The following ZNF215 variants were observed in gnomAD, a reference collection of about 807,000 sequenced individuals.
ZNF215 encodes the protein zinc finger protein 215, also known as BWSCR2-associated zinc finger protein 2.
A neutral mutation model predicts 27.2 loss-of-function variants in ZNF215; 24 were observed. That is an observed-to-expected ratio of 0.88 (90% confidence interval 0.64 to 1.24). The LOEUF (loss-of-function observed/expected upper bound fraction) is 1.24, where lower values mean the gene tolerates loss of function less well. Among genes scored for constraint, ZNF215 ranks in the 50% most tolerant of loss-of-function variants. The pLI, the probability that ZNF215 is intolerant of heterozygous loss-of-function variation, is 0.00. For synonymous variants in ZNF215, 210 were observed against 204.0 expected, an observed-to-expected ratio of 1.03 and a Z score of -0.25; for missense variants, 675 against 605.7, an observed-to-expected ratio of 1.11 and a Z score of -1.20.
intron 5 of ZNF215, among the ~76,000 whole-genome samples, chr11:6,973,359 G>T (rs1388070950): frequency 2.0e-5 from 3 of 152,228 alleles, no homozygotes; most frequent in Middle Eastern, 3.4e-3. Flanking sequence ...ATAAACATAC[G>T]TGTGCATGTG....
At chr11:6,991,924 G>A (rs1189409810), downstream of ZNF215, among the ~76,000 whole-genome samples, 2 of 152,166 alleles carry the variant, frequency 1.3e-5, no homozygotes, top group Non-Finnish European at 2.9e-5. Context: ...CCCGTGAACC[G>A]CCTCTTGGTG....
intron 5 of ZNF215, among the ~76,000 whole-genome samples, chr11:6,980,346 A>G (rs571015808): frequency 6.6e-6 from 1 of 152,234 alleles, no homozygotes; most frequent in African/African-American, 2.4e-5. Context: ...TTCTGTAATC[A>G]TAAATATCAG....
At chr11:6,962,640 T>C (rs1850539794), downstream of ZNF215, among the ~76,000 whole-genome samples, 1 of 152,230 alleles carries the variant, frequency 6.6e-6, no homozygotes, top group Middle Eastern at 3.4e-3. Flanking sequence ...CCTTGTAATA[T>C]AGTGTCACTG....
intron 5 of ZNF215, among the ~76,000 whole-genome samples, chr11:6,973,991 C>T (rs1359650981): frequency 6.6e-6 from 1 of 151,932 alleles, no homozygotes; most frequent in Admixed American, 6.6e-5. Flanking sequence ...CTGAATGGTA[C>T]TGCCTAGGTT....
chr11:6,947,440 A>G (rs1428798685), intron 6 of ZNF215, among the ~76,000 whole-genome samples: 1 of 152,084 alleles, frequency 6.6e-6, no homozygotes, highest in Non-Finnish European at 1.5e-5. Flanking sequence ...CTGTAATCGT[A>G]GCTGCTTGGA....
At chr11:6,937,637 G>C (rs1448368213) in intron 3 of ZNF215, among the ~76,000 whole-genome samples, 1 of 151,590 alleles carries the variant, frequency 6.6e-6, no homozygotes, top group Non-Finnish European at 1.5e-5. Context: ...TCACTAAAAA[G>C]CTGCAATAAT....
intron 6 of ZNF215, among the ~76,000 whole-genome samples, chr11:6,945,946 C>A (rs1166018720): frequency 6.6e-6 from 1 of 152,146 alleles, no homozygotes; most frequent in East Asian, 1.9e-4. Flanking sequence ...GCCTTAAATT[C>A]CATGAAACTG....
chr11:6,979,342 T>C (rs74828239), intron 5 of ZNF215, among the ~76,000 whole-genome samples: 59 of 151,968 alleles, frequency 3.9e-4, no homozygotes, highest in African/African-American at 8.7e-4. Context: ...ATAATAATAA[T>C]GATTGTGGTA....
intron 5 of ZNF215, among the ~76,000 whole-genome samples, chr11:6,973,851 G>C (rs184050707): frequency 4.1e-3 from 617 of 152,162 alleles, no homozygotes; most frequent in Non-Finnish European, 5.9e-3. Context: ...GTTGCCTGTT[G>C]ACTCTGATGG....
chr11:6,978,016 A>G (rs1413857331), intron 5 of ZNF215, among the ~76,000 whole-genome samples: 2 of 152,068 alleles, frequency 1.3e-5, no homozygotes, highest in African/African-American at 2.4e-5. Flanking sequence ...CTGTTGGTGA[A>G]TTTCAATCCC....
downstream of ZNF215, among the ~76,000 whole-genome samples, chr11:6,991,342 C>T (rs1351789398): frequency 6.6e-6 from 1 of 152,226 alleles, no homozygotes; most frequent in Non-Finnish European, 1.5e-5. Flanking sequence ...TGTACAGGCC[C>T]AAGGTCTGGA....
intron 5 of ZNF215, among the ~76,000 whole-genome samples, chr11:6,976,368 AATAATATCTT>A (rs1850833792): frequency 6.6e-6 from 1 of 152,090 alleles, no homozygotes. Flanking sequence ...GGATGCTAAA[AATAATATCTT>A]ATGATGAAAA....
intron 5 of ZNF215, among the ~76,000 whole-genome samples, chr11:6,982,313 C>T (rs2133356090): frequency 6.6e-6 from 1 of 152,134 alleles, no homozygotes; most frequent in African/African-American, 2.4e-5. Flanking sequence ...TAATGGGAGA[C>T]TTTAACACCC....
rs753952914 is a variant in ZNF215 at position 6,932,501 on chromosome 11, C to G, written c.229C>G (p.Leu77Val). The G allele has an allele frequency of 4.3e-6, 7 of 1,614,118 alleles. No homozygotes were observed. In the East Asian group the frequency reaches 1.6e-4, roughly 36 times the overall value. The change falls in exon 3 of 7, where the codon CTG becomes GTG. Residue 77 changes from leucine (L) to valine (V), a missense_variant. By Grantham distance (32) the Leu-to-Val change is conservative (BLOSUM62 1). Transcript: ENST00000278319. The part of the protein sequence containing the change: ...SQLWELCLQW[L>V]RPEIHTKKQI... The stretch of plus-strand genomic sequence containing the variant: ...ACTCTGGGAGCTCTGTCTTCAATGG[C>G]TGAGACCAGAGATTCATACAAAGAA...
downstream of ZNF215, among the ~76,000 whole-genome samples, chr11:6,992,051 G>C (rs536273486): frequency 6.6e-6 from 1 of 152,276 alleles, no homozygotes; most frequent in Non-Finnish European, 1.5e-5. Context: ...AGGGCTGGAA[G>C]TTTCTACTCT....
intron 5 of ZNF215, among the ~76,000 whole-genome samples, chr11:6,970,819 G>T (rs575496151): frequency 6.6e-6 from 1 of 152,106 alleles, no homozygotes; most frequent in Non-Finnish European, 1.5e-5. Flanking sequence ...TAGATATTCC[G>T]AGACATCCTT....
At chr11:6,976,798 T>G (rs979167012) in intron 5 of ZNF215, among the ~76,000 whole-genome samples, 2 of 152,124 alleles carry the variant, frequency 1.3e-5, no homozygotes, top group African/African-American at 4.8e-5. Flanking sequence ...TGTATATGTT[T>G]TCTGTTTCTT....
At chr11:6,975,998 C>G (rs890766807) in intron 5 of ZNF215, among the ~76,000 whole-genome samples, 1 of 152,072 alleles carries the variant, frequency 6.6e-6, no homozygotes, top group South Asian at 2.1e-4. Context: ...TCTCTAAATC[C>G]TCACCAAATG....
At chr11:6,961,574 C>T (rs918834646), downstream of ZNF215, among the ~76,000 whole-genome samples, 8 of 152,120 alleles carry the variant, frequency 5.3e-5, no homozygotes, top group East Asian at 1.9e-4. Flanking sequence ...TTAATTGGTG[C>T]GGCAATTCTG....
Sources: gnomAD v4.1 joint callset for allele counts (sites outside exome capture counted in the v4.1 genomes callset) on GRCh38, gnomAD v4.1.1 for gene constraint, MANE v1.5 for transcripts, NCBI Gene and HGNC (gene_info 2026-07-23, HGNC 2026-07-21) for gene names.